EPS15L1: variants seen among roughly 807,000 people sequenced by gnomAD.
EPS15L1 encodes epidermal growth factor receptor substrate 15-like 1.
EPS15L1 carries 43 observed loss-of-function variants against 117.1 expected under a neutral mutation model. The observed-to-expected ratio is 0.37, with a 90% CI of 0.29 to 0.47. EPS15L1 has a LOEUF of 0.47. EPS15L1 is among the 20% of genes least tolerant of loss of function. The probability of loss-of-function intolerance (pLI) is 0.99; values close to 1 mark genes in which losing one functional copy is unlikely to be tolerated. For missense variants in EPS15L1, 981 were observed against 1,164.0 expected (o/e 0.84, Z 2.29); for synonymous variants, 459 against 470.5 (o/e 0.98, Z 0.32).
rs2092357779 is a variant in EPS15L1, at chr19:16,381,143, C to A, written c.2248-3889G>T. Among the ~76,000 whole-genome samples, 1 of 152,252 alleles carries A rather than the reference C, an allele frequency of 6.6e-6. No individual in the cohort carries two copies. Among genetic ancestry groups the A allele is most frequent in the Admixed American group, 6.5e-5 (1 of 15,288 alleles). ...GGCTTCACGCCGCCCTCTGAAGCTG[C>A]CCAGGCAGGAGACACTCGCTCTGTG... On this transcript the variant is annotated intron_variant, in intron 21 of 23. Transcript: ENST00000455140. The surrounding 1 kb of genome is among the most constrained non-coding windows in gnomAD (Gnocchi z 4.2).
chr19:16,446,576 TGA>T (rs1474137285), intron 1 of EPS15L1, among the ~76,000 whole-genome samples: 4 of 152,162 alleles, frequency 2.6e-5, no homozygotes, highest in Non-Finnish European at 5.9e-5. Flanking sequence ...GTGGGGAAAC[TGA>T]GTTTGCCCTA....
intron 22 of EPS15L1, among the ~76,000 whole-genome samples, chr19:16,364,933 C>T (rs1374880084): frequency 6.6e-6 from 1 of 152,234 alleles, no homozygotes; most frequent in Admixed American, 6.5e-5. Flanking sequence ...GGCCCCAGCA[C>T]CCTGCCCAGA....
At chr19:16,414,654 C>A (rs1325549220) in intron 12 of EPS15L1, among the ~76,000 whole-genome samples, 1 of 151,856 alleles carries the variant, frequency 6.6e-6, no homozygotes, top group Non-Finnish European at 1.5e-5. Context: ...CCGCCTCAGC[C>A]TCCCAAAGTA....
intron 9 of EPS15L1, 133 bp downstream of exon 9, chr19:16,424,950 C>A: frequency 1.2e-6 from 1 of 845,742 alleles, no homozygotes; most frequent in Non-Finnish European, 1.9e-6. Context: ...CGTGAGCCAC[C>A]GCACCTGGCC....
chr19:16,400,049 T>C (rs943816495), intron 16 of EPS15L1, among the ~76,000 whole-genome samples: 1 of 152,162 alleles, frequency 6.6e-6, no homozygotes, highest in African/African-American at 2.4e-5. Context: ...TTAAGAACCC[T>C]GACTTTGGCG....
chr19:16,399,464 C>A (rs1261514888), intron 16 of EPS15L1, among the ~76,000 whole-genome samples: 2 of 152,106 alleles, frequency 1.3e-5, no homozygotes, highest in Admixed American at 6.5e-5. Context: ...TTAGGAAATA[C>A]ACACGGCAAC....
At chr19:16,386,082 C>T in intron 20 of EPS15L1, 89 bp downstream of exon 20, 1 of 1,031,236 alleles carries the variant, frequency 9.7e-7, no homozygotes, top group Admixed American at 1.9e-5. Context: ...AGAGGCCACG[C>T]TGGCTTTGGG....
chr19:16,465,665 G>C (rs899765420), intron 1 of EPS15L1, among the ~76,000 whole-genome samples: 26 of 152,140 alleles, frequency 1.7e-4, no homozygotes, highest in Non-Finnish European at 3.5e-4. Flanking sequence ...GTAGGCAATA[G>C]AGCAAGAGCC....
intron 13 of EPS15L1, among the ~76,000 whole-genome samples, chr19:16,410,926 T>A (rs974266442): frequency 6.6e-6 from 1 of 151,908 alleles, no homozygotes; most frequent in African/African-American, 2.4e-5. Context: ...AAACAAAAAA[T>A]GTGCTCCATC....
intron 11 of EPS15L1, 112 bp downstream of exon 11, chr19:16,417,836 G>A: frequency 1.4e-6 from 2 of 1,444,120 alleles, no homozygotes; most frequent in Non-Finnish European, 9.4e-7. Context: ...AGGAAGGCAG[G>A]GACCACAGGC....
chr19:16,394,990 C>T (rs1293181157), intron 17 of EPS15L1, among the ~76,000 whole-genome samples: 1 of 151,888 alleles, frequency 6.6e-6, no homozygotes, highest in Non-Finnish European at 1.5e-5. Flanking sequence ...GGGGCTGAGG[C>T]GGGTGGATTA....
intron 9 of EPS15L1, among the ~76,000 whole-genome samples, chr19:16,424,755 G>C (rs576223559): frequency 6.6e-6 from 1 of 152,072 alleles, no homozygotes; most frequent in Admixed American, 6.6e-5. Context: ...CCGTCTCCCA[G>C]GTTCAAGCAA....
At chr19:16,445,618 C>T (rs2093075617) in intron 1 of EPS15L1, among the ~76,000 whole-genome samples, 1 of 152,148 alleles carries the variant, frequency 6.6e-6, no homozygotes, top group Non-Finnish European at 1.5e-5. Flanking sequence ...ATCCCCAGCC[C>T]CAGGCAGTCT....
intron 23 of EPS15L1, among the ~76,000 whole-genome samples, chr19:16,360,001 A>C (rs1353502605): frequency 1.3e-5 from 2 of 151,736 alleles, no homozygotes; most frequent in African/African-American, 2.4e-5. Context: ...TTAAAACTGA[A>C]GTTAACAATT....
intron 1 of EPS15L1, among the ~76,000 whole-genome samples, chr19:16,460,490 G>A (rs982855706): frequency 6.6e-6 from 1 of 152,158 alleles, no homozygotes; most frequent in Non-Finnish European, 1.5e-5. Flanking sequence ...AATCAATAAA[G>A]TCAACTGACT....
chr19:16,456,755 C>T (rs1015724408), intron 1 of EPS15L1, among the ~76,000 whole-genome samples: 5 of 152,088 alleles, frequency 3.3e-5, no homozygotes, highest in Non-Finnish European at 5.9e-5. Context: ...GCACAGGGGA[C>T]CGCATGATAT....
rs1167864396 is a variant in EPS15L1, at chr19:16,381,762, G to T, written c.2247+3367C>A. 1.3e-5 allele frequency among the ~76,000 whole-genome samples: 2 copies of T among 152,216 alleles called. No homozygotes were observed. The highest frequency in any genetic ancestry group is 6.5e-5 in the Admixed American group (1 of 15,286). On this transcript the variant is annotated intron_variant, in intron 21 of 23. Coordinates refer to ENST00000455140, the MANE Select transcript of EPS15L1 (RefSeq NM_001258374.3). This position sits in a 1 kb window ranked among gnomAD's most constrained non-coding sequence, Gnocchi z 4.2. ...GTCGGCTGTTTGGGAAAGAATGGGG[G>T]AAAAACACTGGCCCGTCTGTGGGTG...
chr19:16,441,364 C>G (rs1275448289), intron 3 of EPS15L1: 2 of 196,346 alleles, frequency 1.0e-5, no homozygotes, highest in Admixed American at 1.1e-4. Context: ...CCCAGCTACT[C>G]GGGAGGCTGA....
intron 22 of EPS15L1, among the ~76,000 whole-genome samples, chr19:16,368,805 A>G (rs10422048): frequency 0.14 from 20,639 of 152,110 alleles, 1,435 homozygotes; most frequent in Non-Finnish European, 0.15. Flanking sequence ...CATTCACCCT[A>G]CACAACAGGT....
Sources: gnomAD v4.1 joint callset for allele counts (sites outside exome capture counted in the v4.1 genomes callset) on GRCh38, gnomAD v4.1.1 for gene constraint, Gnocchi (gnomAD v3.1) non-coding constraint, MANE v1.5 for transcripts, NCBI Gene and HGNC (gene_info 2026-07-23, HGNC 2026-07-21) for gene names.